RAB7A: variants seen among roughly 807,000 people sequenced by gnomAD.
RAB7A encodes the protein ras-related protein Rab-7a.
Under a neutral mutation model 24.5 loss-of-function variants are expected in RAB7A, and 2 were observed. That is an observed-to-expected ratio of 0.08 (90% CI 0.03 to 0.26). The LOEUF (loss-of-function observed/expected upper bound fraction) is 0.26, where lower values mean the gene tolerates loss of function less well. Ranked by LOEUF, RAB7A falls within the 10% of genes least tolerant of loss-of-function variation. The pLI, the probability that RAB7A is intolerant of heterozygous loss-of-function variation, is 1.00. For missense variants in RAB7A, 118 were observed against 255.7 expected, an observed-to-expected ratio of 0.46 and a Z score of 3.67; for synonymous variants, 100 against 95.9, an observed-to-expected ratio of 1.04 and a Z score of -0.25.
At chr3:128,727,349 G>A (rs9820753) in intron 1 of RAB7A, among the ~76,000 whole-genome samples, 42,060 of 152,076 alleles carry the variant, frequency 0.28, 7,475 homozygotes, top group African/African-American at 0.5. Flanking sequence ...CCAGAGCACT[G>A]TATTAAATTT....
At chr3:128,759,437 G>C (rs1389895998) in intron 1 of RAB7A, among the ~76,000 whole-genome samples, 1 of 152,220 alleles carries the variant, frequency 6.6e-6, no homozygotes, top group East Asian at 1.9e-4. Flanking sequence ...TGTGCACTGG[G>C]TGATCTTGTG....
chr3:128,780,460 A>C (rs1242915170), intron 1 of RAB7A, among the ~76,000 whole-genome samples: 1 of 152,200 alleles, frequency 6.6e-6, no homozygotes, highest in East Asian at 1.9e-4. Flanking sequence ...AACACTTACA[A>C]AGCTACAGGA....
At chr3:128,788,030 G>A (rs776494360) in intron 1 of RAB7A, among the ~76,000 whole-genome samples, 89 of 152,332 alleles carry the variant, frequency 5.8e-4, no homozygotes, top group Non-Finnish European at 9.1e-4. Flanking sequence ...TTTAAATTGC[G>A]TGCTGTTTGG....
intron 1 of RAB7A, among the ~76,000 whole-genome samples, chr3:128,777,276 C>G (rs1406557833): frequency 6.6e-6 from 1 of 152,134 alleles, no homozygotes; most frequent in East Asian, 1.9e-4. Context: ...TCGCTACAGC[C>G]TTGACATCCT....
chr3:128,797,877 A>C, intron 2 of RAB7A, 66 bp from the exon 3 acceptor site: 6 of 1,574,186 alleles, frequency 3.8e-6, no homozygotes, highest in Non-Finnish European at 5.2e-6. Context: ...AAATGCTTCA[A>C]GTAATTCGTG....
intron 1 of RAB7A, among the ~76,000 whole-genome samples, chr3:128,733,272 AT>A (rs1328735863): frequency 6.6e-6 from 1 of 152,002 alleles, no homozygotes; most frequent in Non-Finnish European, 1.5e-5. Flanking sequence ...ATTTTGCCTG[AT>A]TTGGATTTTG....
intron 1 of RAB7A, among the ~76,000 whole-genome samples, chr3:128,774,982 T>C (rs1933053937): frequency 6.6e-6 from 1 of 151,968 alleles, no homozygotes; most frequent in Admixed American, 6.6e-5. Flanking sequence ...GGTTTCACCG[T>C]TGTTGGCCAG....
chr3:128,736,793 AC>A (rs1343611410), intron 1 of RAB7A, among the ~76,000 whole-genome samples: 2 of 152,300 alleles, frequency 1.3e-5, no homozygotes, highest in South Asian at 2.1e-4. Flanking sequence ...GAGTCACACC[AC>A]ACAAGGAATC....
intron 1 of RAB7A, among the ~76,000 whole-genome samples, chr3:128,757,574 T>C (rs1218335187): frequency 2.0e-5 from 3 of 151,080 alleles, no homozygotes; most frequent in South Asian, 4.2e-4. Context: ...GGCTGGAGTA[T>C]AGTGGCATGA....
chr3:128,732,003 CA>C (rs1196407694), intron 1 of RAB7A, among the ~76,000 whole-genome samples: 7,144 of 107,640 alleles, frequency 0.066, 186 homozygotes, highest in Admixed American at 0.074. Context: ...GATTCCATCT[CA>C]AAAAAAAAAA....
At chr3:128,793,009 C>T (rs1327028774) in intron 1 of RAB7A, among the ~76,000 whole-genome samples, 3 of 151,348 alleles carry the variant, frequency 2.0e-5, no homozygotes, top group Non-Finnish European at 2.9e-5. Flanking sequence ...TGCCACCATG[C>T]CCAGCTAATT....
At chr3:128,776,695 G>A (rs948008555) in intron 1 of RAB7A, among the ~76,000 whole-genome samples, 1 of 152,080 alleles carries the variant, frequency 6.6e-6, no homozygotes, top group East Asian at 1.9e-4. Context: ...TCTCTTCCAC[G>A]TACTGATTCC....
At chr3:128,806,729 G>C (rs2107615741) in intron 4 of RAB7A, 139 bp downstream of exon 4, 2 of 899,592 alleles carry the variant, frequency 2.2e-6, no homozygotes, top group African/African-American at 3.3e-5. Context: ...CAGCCCTTCA[G>C]GCCAACTGCC....
intron 1 of RAB7A, among the ~76,000 whole-genome samples, chr3:128,767,883 A>G (rs1358064882): frequency 6.6e-6 from 1 of 152,164 alleles, no homozygotes; most frequent in Non-Finnish European, 1.5e-5. Flanking sequence ...TTATTTTTTA[A>G]AGAACAGCTT....
chr3:128,727,459 A>G (rs531672575), intron 1 of RAB7A, among the ~76,000 whole-genome samples: 16 of 152,070 alleles, frequency 1.1e-4, no homozygotes, highest in Non-Finnish European at 2.1e-4. Context: ...CTTTCTTTCT[A>G]TTGATGTCAT....
chr3:128,790,844 T>C (rs1474083544), intron 1 of RAB7A, among the ~76,000 whole-genome samples: 3 of 152,196 alleles, frequency 2.0e-5, no homozygotes, highest in Non-Finnish European at 2.9e-5. Context: ...TATTTATTTT[T>C]ATGAATAAAA....
chr3:128,784,791 T>G (rs1933301468), intron 1 of RAB7A, among the ~76,000 whole-genome samples: 1 of 152,206 alleles, frequency 6.6e-6, no homozygotes, highest in African/African-American at 2.4e-5. Flanking sequence ...TTAACACGTC[T>G]TGATCACAGT....
At chr3:128,794,986 C>T (rs542454294) in intron 1 of RAB7A, among the ~76,000 whole-genome samples, 16 of 152,102 alleles carry the variant, frequency 1.1e-4, no homozygotes, top group East Asian at 9.7e-4. Flanking sequence ...TTAAATAAAG[C>T]GGTCACTTCT....
chr3:128,781,680 A>C (rs1361508392), intron 1 of RAB7A, among the ~76,000 whole-genome samples: 1 of 151,758 alleles, frequency 6.6e-6, no homozygotes, highest in Non-Finnish European at 1.5e-5. Flanking sequence ...TGAAAAAACA[A>C]AAAACAGTTC....
Sources: allele counts gnomAD v4.1 joint callset (sites outside exome capture counted in the v4.1 genomes callset), GRCh38; gene constraint gnomAD v4.1.1; transcripts MANE v1.5; gene names NCBI Gene and HGNC (gene_info 2026-07-23, HGNC 2026-07-21).